The following ROR1 variants were observed in gnomAD, a reference collection of about 807,000 sequenced individuals.
The protein encoded by ROR1 is ROR family WNT receptor 1.
Under a neutral mutation model 78.8 loss-of-function variants are expected in ROR1, and 19 were observed. The ratio of observed to expected loss-of-function variants is 0.24; its 90% CI spans 0.17 to 0.35. The LOEUF is 0.35. Among genes scored for constraint, ROR1 ranks in the 10% least tolerant of loss-of-function variants. ROR1 has a pLI of 1.00. For missense variants in ROR1, 917 were observed against 1,177.8 expected, an observed-to-expected ratio of 0.78 and a Z score of 3.24; for synonymous variants, 386 against 433.6, an observed-to-expected ratio of 0.89 and a Z score of 1.36.
At chr1:63,941,534 T>A (rs892973611) in intron 1 of ROR1, among the ~76,000 whole-genome samples, 6 of 152,238 alleles carry the variant, frequency 3.9e-5, no homozygotes, top group African/African-American at 1.4e-4. Context: ...TTAGCTGTCT[T>A]ACTTTGGACA....
chr1:63,861,283 A>G (rs896220581), intron 1 of ROR1, among the ~76,000 whole-genome samples: 1 of 152,194 alleles, frequency 6.6e-6, no homozygotes, highest in African/African-American at 2.4e-5. Flanking sequence ...TGGCTGCCAG[A>G]ACTTTTATTT....
chr1:63,780,453 T>C (rs372959070), intron 1 of ROR1, among the ~76,000 whole-genome samples: 76 of 152,254 alleles, frequency 5.0e-4, no homozygotes, highest in African/African-American at 1.6e-3. Flanking sequence ...GGGGGTTTTG[T>C]GAGAATAAAA....
intron 1 of ROR1, among the ~76,000 whole-genome samples, chr1:63,786,256 A>ATTTTTTTTTTTTTTTTTTTT (rs34933492): frequency 1.5e-5 from 1 of 67,468 alleles, no homozygotes; most frequent in Non-Finnish European, 2.8e-5. Context: ...CTACAACTTG[A>ATTTTTTTTTTTTTTTTTTTT]TTTTTTTTTT....
intron 1 of ROR1, among the ~76,000 whole-genome samples, chr1:63,961,124 CCT>C (rs1457285043): frequency 6.6e-6 from 1 of 151,342 alleles, no homozygotes; most frequent in Non-Finnish European, 1.5e-5. Flanking sequence ...TTTGACATTC[CCT>C]CTTTTTTTTT....
chr1:64,118,726 T>A (rs1202530621), intron 4 of ROR1, among the ~76,000 whole-genome samples: 1 of 151,134 alleles, frequency 6.6e-6, no homozygotes, highest in East Asian at 1.9e-4. Context: ...ATGAGGAGGC[T>A]TTTTAGGCCT....
intron 4 of ROR1, among the ~76,000 whole-genome samples, chr1:64,114,919 T>C (rs560427125): frequency 6.6e-6 from 1 of 152,304 alleles, no homozygotes; most frequent in East Asian, 1.9e-4. Flanking sequence ...ATTGTTATAG[T>C]CCAATTTTGG....
intron 1 of ROR1, among the ~76,000 whole-genome samples, chr1:63,930,201 TCTTA>T (rs913713149): frequency 2.8e-4 from 42 of 152,198 alleles, no homozygotes; most frequent in African/African-American, 1.0e-3. Flanking sequence ...TTCTCCTCTC[TCTTA>T]CTTTAAAGGC....
chr1:64,084,269 G>T (rs778824783), intron 4 of ROR1, among the ~76,000 whole-genome samples: 5 of 152,174 alleles, frequency 3.3e-5, no homozygotes, highest in Non-Finnish European at 7.3e-5. Flanking sequence ...GAGAAGAAAT[G>T]CTCTCTGAAG....
At chr1:63,818,943 A>G (rs1208872210) in intron 1 of ROR1, among the ~76,000 whole-genome samples, 1 of 151,920 alleles carries the variant, frequency 6.6e-6, no homozygotes, top group Non-Finnish European at 1.5e-5. Context: ...ATGCTTCCCT[A>G]TATTTTTGTT....
In ROR1 at chr1:64,169,468, A is replaced by G. The variant is rs2100739063; in HGVS notation, c.1387-7960A>G. Among the ~76,000 whole-genome samples the G allele has an allele frequency of 1.3e-5, 2 of 152,252 alleles. 1 individual carries two copies. Among genetic ancestry groups the G allele is most frequent in the Admixed American group, 1.3e-4 (2 of 15,292 alleles). ...ACTTATTCACTATCACGAGAACAGCATGGGAAAGACCTGCCCCCATGATTC... is the reference window on the plus strand; with the variant it reads ...ACTTATTCACTATCACGAGAACAGCGTGGGAAAGACCTGCCCCCATGATTC... On this transcript the variant is annotated intron_variant, in intron 8 of 8. Coordinates refer to ENST00000371079, the MANE Select transcript of ROR1 (RefSeq NM_005012.4).
intron 1 of ROR1, among the ~76,000 whole-genome samples, chr1:63,873,700 GT>G (rs900946121): frequency 1.3e-5 from 2 of 151,556 alleles, no homozygotes; most frequent in Non-Finnish European, 1.5e-5. Context: ...TTTTTATTAT[GT>G]TTTTTTTCCA....
chr1:63,920,149 G>C (rs934541445), intron 1 of ROR1, among the ~76,000 whole-genome samples: 1 of 152,204 alleles, frequency 6.6e-6, no homozygotes, highest in South Asian at 2.1e-4. Flanking sequence ...TGTTGGGCAG[G>C]ATGGGAAAGT....
chr1:63,815,194 A>G (rs147562585), intron 1 of ROR1, among the ~76,000 whole-genome samples: 2,213 of 152,294 alleles, frequency 0.015, 35 homozygotes, highest in Middle Eastern at 0.048. Flanking sequence ...AGGTCATTCT[A>G]TAGTTTTGCC....
intron 1 of ROR1, among the ~76,000 whole-genome samples, chr1:63,955,259 A>G (rs1023116583): frequency 6.6e-6 from 1 of 152,238 alleles, no homozygotes; most frequent in Non-Finnish European, 1.5e-5. Flanking sequence ...AATTAGGAAG[A>G]AGCTTTAAAA....
intron 8 of ROR1, among the ~76,000 whole-genome samples, chr1:64,163,948 G>A (rs1650015799): frequency 6.6e-6 from 1 of 152,144 alleles, no homozygotes; most frequent in South Asian, 2.1e-4. Flanking sequence ...AAGCACCAGT[G>A]ATGTTATTTA....
chr1:64,009,842 C>T (rs1015414796), intron 2 of ROR1, among the ~76,000 whole-genome samples: 15 of 152,074 alleles, frequency 9.9e-5, no homozygotes, highest in Admixed American at 3.3e-4. Flanking sequence ...CCTTTGTGCA[C>T]GTGGGGAACA....
intron 7 of ROR1, among the ~76,000 whole-genome samples, chr1:64,151,859 G>A (rs1014034276): frequency 2.7e-5 from 4 of 147,390 alleles, no homozygotes; most frequent in Admixed American, 2.1e-4. Context: ...CTCCAGCCTC[G>A]GTGACAGAGC....
intron 4 of ROR1, among the ~76,000 whole-genome samples, chr1:64,076,298 T>C (rs1647049984): frequency 6.6e-6 from 1 of 152,182 alleles, no homozygotes; most frequent in African/African-American, 2.4e-5. Context: ...GCCCATAGAT[T>C]CCCTGGTGGA....
At chr1:64,073,817 A>T (rs1301263310) in intron 4 of ROR1, among the ~76,000 whole-genome samples, 4 of 152,120 alleles carry the variant, frequency 2.6e-5, no homozygotes, top group Non-Finnish European at 5.9e-5. Flanking sequence ...CGAAGGGTTA[A>T]CACAATGTGT....
Sources: gnomAD v4.1 joint callset for allele counts (sites outside exome capture counted in the v4.1 genomes callset) on GRCh38, gnomAD v4.1.1 for gene constraint, MANE v1.5 for transcripts, NCBI Gene and HGNC (gene_info 2026-07-23, HGNC 2026-07-21) for gene names.